The following KCND2 variants were observed in gnomAD, a reference collection of about 807,000 sequenced individuals.
KCND2 encodes A-type voltage-gated potassium channel KCND2.
In KCND2, 16 loss-of-function variants were observed where a neutral mutation model predicts 54.4. That is an observed-to-expected ratio of 0.29 (90% confidence interval 0.20 to 0.45). The LOEUF (loss-of-function observed/expected upper bound fraction) is 0.45. Among genes scored for constraint, KCND2 ranks in the 20% least tolerant of loss-of-function variants. The pLI is 1.00. For synonymous variants in KCND2, 317 were observed against 310.7 expected, an observed-to-expected ratio of 1.02 and a Z score of -0.21; for missense variants, 486 against 824.2, an observed-to-expected ratio of 0.59 and a Z score of 5.02.
At chr7:120,286,331 T>C (rs780335034) in intron 1 of KCND2, among the ~76,000 whole-genome samples, 28 of 151,940 alleles carry the variant, frequency 1.8e-4, no homozygotes, top group Non-Finnish European at 3.5e-4. Context: ...CAATATTATA[T>C]ACAGATGCAT....
intron 1 of KCND2, among the ~76,000 whole-genome samples, chr7:120,583,420 T>C (rs1395890121): frequency 6.6e-6 from 1 of 152,180 alleles, no homozygotes; most frequent in Non-Finnish European, 1.5e-5. Context: ...TATGTGTGTG[T>C]GTTTTATATT....
intron 1 of KCND2, among the ~76,000 whole-genome samples, chr7:120,501,382 C>A (rs1802930054): frequency 6.6e-6 from 1 of 152,108 alleles, no homozygotes; most frequent in African/African-American, 2.4e-5. Context: ...AAGAGAATAA[C>A]TGCATGCAGA....
intron 1 of KCND2, among the ~76,000 whole-genome samples, chr7:120,674,669 A>T (rs1351260335): frequency 6.6e-6 from 1 of 152,336 alleles, no homozygotes; most frequent in Non-Finnish European, 1.5e-5. Flanking sequence ...TCTTATTTTT[A>T]AAATACAGCT....
In KCND2 at chr7:120,386,681, G is replaced by A. The variant is rs1028260097; in HGVS notation, c.1115+110934G>A. On this transcript the variant is annotated intron_variant, in intron 1 of 5. Transcript: ENST00000331113. Reference sequence around the variant, plus strand: ...CTAATAAACACCATTCATCACATATGTATTCTACTCACAAATGTTGACAGT... The same window carrying A: ...CTAATAAACACCATTCATCACATATATATTCTACTCACAAATGTTGACAGT... 3.9e-5 allele frequency among the ~76,000 whole-genome samples: 6 copies of A among 152,084 alleles called. No homozygotes were observed. The South Asian group carries it at 6.2e-4, about 16-fold the overall frequency.
At chr7:120,399,368 A>T (rs1801207013) in intron 1 of KCND2, among the ~76,000 whole-genome samples, 1 of 150,792 alleles carries the variant, frequency 6.6e-6, no homozygotes, top group Admixed American at 6.6e-5. Context: ...AGAAAAAAAC[A>T]TAGAGAAAAA....
At chr7:120,281,170 T>A (rs974430406) in intron 1 of KCND2, among the ~76,000 whole-genome samples, 1 of 152,096 alleles carries the variant, frequency 6.6e-6, no homozygotes, top group Non-Finnish European at 1.5e-5. Context: ...ATTTAACTTC[T>A]CTTTCATTGA....
chr7:120,347,106 C>T (rs761902946), intron 1 of KCND2, among the ~76,000 whole-genome samples: 13 of 151,976 alleles, frequency 8.6e-5, no homozygotes, highest in Non-Finnish European at 1.8e-4. Flanking sequence ...CAGATCTTCA[C>T]GCTGTTTTGA....
chr7:120,399,166 TA>T, intron 1 of KCND2, among the ~76,000 whole-genome samples: 1 of 152,036 alleles, frequency 6.6e-6, no homozygotes, highest in East Asian at 1.9e-4. Flanking sequence ...GTATATACTA[TA>T]TAGTAGAAGC....
At chr7:120,670,400 G>A (rs1791977102) in intron 1 of KCND2, among the ~76,000 whole-genome samples, 1 of 152,060 alleles carries the variant, frequency 6.6e-6, no homozygotes, top group African/African-American at 2.4e-5. Flanking sequence ...ATTGGATAGT[G>A]TTAAATCAGA....
intron 1 of KCND2, among the ~76,000 whole-genome samples, chr7:120,534,776 A>T (rs1402024112): frequency 6.6e-6 from 1 of 152,064 alleles, no homozygotes; most frequent in Non-Finnish European, 1.5e-5. Flanking sequence ...CTCTCAAATA[A>T]AAAAAAGGTT....
At chr7:120,587,707 A>G (rs1792618003) in intron 1 of KCND2, among the ~76,000 whole-genome samples, 5 of 152,302 alleles carry the variant, frequency 3.3e-5, no homozygotes, top group South Asian at 4.1e-4. Context: ...AAAAGCTTCT[A>G]TCTTCACAAT....
chr7:120,712,359 G>C (rs1044196156), intron 1 of KCND2, among the ~76,000 whole-genome samples: 3 of 133,118 alleles, frequency 2.3e-5, no homozygotes, highest in Non-Finnish European at 3.1e-5. Context: ...TGCCTCCCCA[G>C]TTCAAGTGAT....
intron 1 of KCND2, among the ~76,000 whole-genome samples, chr7:120,661,649 CAA>C (rs796133968): frequency 8.2e-6 from 1 of 121,316 alleles, no homozygotes; most frequent in African/African-American, 3.4e-5. Flanking sequence ...GACTTCTTCT[CAA>C]AAAAAAAAAA....
At chr7:120,453,952 T>G (rs1206081438) in intron 1 of KCND2, among the ~76,000 whole-genome samples, 10 of 152,018 alleles carry the variant, frequency 6.6e-5, no homozygotes, top group Admixed American at 6.6e-4. Context: ...GGCATGGTAG[T>G]GGGTGCCTGT....
chr7:120,587,531 T>C (rs966859322), intron 1 of KCND2, among the ~76,000 whole-genome samples: 1 of 148,510 alleles, frequency 6.7e-6, no homozygotes, highest in African/African-American at 2.4e-5. Context: ...ACTTACAGGA[T>C]TTTTTTTTTC....
chr7:120,509,492 G>C (rs1803079839), intron 1 of KCND2, among the ~76,000 whole-genome samples: 1 of 152,046 alleles, frequency 6.6e-6, no homozygotes. Flanking sequence ...ATATTCAAAA[G>C]TAATCTCTTA....
intron 1 of KCND2, among the ~76,000 whole-genome samples, chr7:120,590,707 T>TA (rs1792659846): frequency 1.3e-5 from 2 of 152,326 alleles, no homozygotes; most frequent in African/African-American, 4.8e-5. Context: ...ATTCTAATTT[T>TA]ATCCTAGCAT....
At chr7:120,700,459 C>T (rs1056339656) in intron 1 of KCND2, among the ~76,000 whole-genome samples, 84 of 152,260 alleles carry the variant, frequency 5.5e-4, no homozygotes, top group African/African-American at 1.9e-3. Context: ...TATTTGTGGA[C>T]GTCACATAAG....
At chr7:120,718,220 T>G (rs567904304) in intron 1 of KCND2, among the ~76,000 whole-genome samples, 2 of 152,320 alleles carry the variant, frequency 1.3e-5, no homozygotes, top group African/African-American at 4.8e-5. Context: ...ACCAATGTTT[T>G]GTTGAGTGGT....
Sources: gnomAD v4.1 joint callset for allele counts (sites outside exome capture counted in the v4.1 genomes callset) on GRCh38, gnomAD v4.1.1 for gene constraint, MANE v1.5 for transcripts, NCBI Gene and HGNC (gene_info 2026-07-23, HGNC 2026-07-21) for gene names.